Variants in DTNB observed in about 807,000 individuals in gnomAD.
DTNB encodes DTN-B.
A neutral mutation model predicts 90.7 loss-of-function variants in DTNB; 63 were observed. The observed-to-expected ratio is 0.69, with a 90% CI of 0.57 to 0.86. The LOEUF is 0.86. DTNB is among the 40% of genes least tolerant of loss of function. DTNB has a pLI of 0.00. For missense variants in DTNB, 744 were observed against 807.1 expected (o/e 0.92, Z 0.95); for synonymous variants, 277 against 286.7 (o/e 0.97, Z 0.34).
At chr2:25,646,848 GTCAC>G (rs2079574359) in intron 2 of DTNB, among the ~76,000 whole-genome samples, 1 of 152,094 alleles carries the variant, frequency 6.6e-6, no homozygotes, top group African/African-American at 2.4e-5. Context: ...ACGGGCCATG[GTCAC>G]TCATATTTAG....
At chr2:25,381,517 C>A (rs552870349) in intron 19 of DTNB, among the ~76,000 whole-genome samples, 9 of 152,294 alleles carry the variant, frequency 5.9e-5, no homozygotes, top group Admixed American at 4.6e-4. Context: ...GCAGCTGGGA[C>A]TACAGGTGTG....
intron 6 of DTNB, among the ~76,000 whole-genome samples, chr2:25,591,831 C>A (rs1255769814): frequency 1.3e-5 from 2 of 152,020 alleles, no homozygotes; most frequent in African/African-American, 4.8e-5. Context: ...GTGGCTGAGG[C>A]AGGAGGATCA....
At chr2:25,622,017 A>G (rs1337551839) in intron 4 of DTNB, among the ~76,000 whole-genome samples, 1 of 151,938 alleles carries the variant, frequency 6.6e-6, no homozygotes, top group East Asian at 1.9e-4. Flanking sequence ...AACTAGTTTC[A>G]TTAGATACAT....
At chr2:25,495,795 G>A (rs1179689788) in intron 9 of DTNB, among the ~76,000 whole-genome samples, 2 of 152,302 alleles carry the variant, frequency 1.3e-5, no homozygotes, top group South Asian at 2.1e-4. Flanking sequence ...GGTACTGTAA[G>A]TGTAGCATAA....
chr2:25,570,404 CTCAAAA>C (rs1475397570), intron 8 of DTNB, among the ~76,000 whole-genome samples: 1 of 54,748 alleles, frequency 1.8e-5, no homozygotes, highest in Non-Finnish European at 2.9e-5. Context: ...GGTTTCCTGT[CTCAAAA>C]AAAAAAAAAA....
At chr2:25,467,215 T>C (rs1303260865) in intron 10 of DTNB, among the ~76,000 whole-genome samples, 2 of 152,216 alleles carry the variant, frequency 1.3e-5, no homozygotes, top group Non-Finnish European at 2.9e-5. Context: ...CCAACATTTG[T>C]ACCTTTGACT....
chr2:25,429,280 G>T (rs909513769), intron 14 of DTNB, among the ~76,000 whole-genome samples: 6 of 152,062 alleles, frequency 3.9e-5, no homozygotes, highest in Non-Finnish European at 7.4e-5. Context: ...TTACTTTTTG[G>T]TTTTTCAATG....
At chr2:25,473,051 G>T (rs2063106529) in intron 10 of DTNB, among the ~76,000 whole-genome samples, 1 of 152,198 alleles carries the variant, frequency 6.6e-6, no homozygotes, top group South Asian at 2.1e-4. Flanking sequence ...TCAATCGGAA[G>T]AATAACATAA....
At chr2:25,533,353 G>A (rs2078648631) in intron 8 of DTNB, among the ~76,000 whole-genome samples, 1 of 152,054 alleles carries the variant, frequency 6.6e-6, no homozygotes, top group Non-Finnish European at 1.5e-5. Flanking sequence ...AAACATTCTG[G>A]GAAAAGTCTA....
chr2:25,485,187 A>G (rs964715529), intron 9 of DTNB, among the ~76,000 whole-genome samples: 10 of 152,170 alleles, frequency 6.6e-5, no homozygotes, highest in Admixed American at 6.5e-4. Context: ...TTTTTAATAA[A>G]TAATAGAGAC....
chr2:25,632,346 A>C (rs1383506798), intron 3 of DTNB, among the ~76,000 whole-genome samples: 1 of 152,166 alleles, frequency 6.6e-6, no homozygotes, highest in South Asian at 2.1e-4. Context: ...TTTAAAGGAA[A>C]CCTTATTTTT....
chr2:25,665,751 C>T (rs752744435), intron 1 of DTNB, among the ~76,000 whole-genome samples: 9 of 148,650 alleles, frequency 6.1e-5, no homozygotes, highest in Non-Finnish European at 1.2e-4. Flanking sequence ...TCCTTTAATA[C>T]TTCTTTTCTC....
chr2:25,522,496 A>C (rs1161512351), intron 9 of DTNB, among the ~76,000 whole-genome samples: 1 of 152,112 alleles, frequency 6.6e-6, no homozygotes, highest in African/African-American at 2.4e-5. Context: ...AGGTAATAGG[A>C]ATTCGGCGGA....
At chr2:25,386,554 T>C (rs2039525592) in intron 18 of DTNB, among the ~76,000 whole-genome samples, 1 of 152,190 alleles carries the variant, frequency 6.6e-6, no homozygotes, top group African/African-American at 2.4e-5. Flanking sequence ...CGTTAGTGAC[T>C]CTCTGGCCCC....
At chr2:25,414,301 G>A (rs1246757510) in intron 16 of DTNB, among the ~76,000 whole-genome samples, 1 of 152,192 alleles carries the variant, frequency 6.6e-6, no homozygotes, top group African/African-American at 2.4e-5. Flanking sequence ...GTCGGCTGAA[G>A]TGCGGAGTGC....
rs865985562 is a variant in DTNB, at chr2:25,589,382, T to C, written c.603+6704A>G. On this transcript the variant is annotated intron_variant, in intron 6 of 20. Transcript: ENST00000406818. ...TTTTTCTTTTCTTTTTTTTTTTTTT[T>C]TTTTTTTTTTTTTTTTGAGATGGAG... Among the ~76,000 whole-genome samples the C allele has an allele frequency of 4.5e-3, 532 of 118,418 alleles. 2 individuals are homozygous for C. The highest frequency in any genetic ancestry group is 0.017 in the African/African-American group (507 of 29,846). The allele number at this position is 118,418 out of a possible 152,430, so 77.7% of individuals were successfully genotyped here.
At chr2:25,525,691 A>G (rs1337546303) in intron 9 of DTNB, among the ~76,000 whole-genome samples, 17 of 152,196 alleles carry the variant, frequency 1.1e-4, no homozygotes. Context: ...ATAAGAATTA[A>G]TAAGGAAAAA....
chr2:25,662,681 AACACACAC>A (rs35136841), intron 1 of DTNB, among the ~76,000 whole-genome samples: 4 of 104,462 alleles, frequency 3.8e-5, no homozygotes. Context: ...CACACACACA[AACACACAC>A]ACACACACAC....
At chr2:25,447,507 T>TC (rs1314576306) in intron 12 of DTNB, among the ~76,000 whole-genome samples, 1 of 148,574 alleles carries the variant, frequency 6.7e-6, no homozygotes, top group Non-Finnish European at 1.5e-5. Flanking sequence ...ATCTTTTTTT[T>TC]TTTTTTTTTT....
Sources: allele counts gnomAD v4.1 joint callset (sites outside exome capture counted in the v4.1 genomes callset), GRCh38; gene constraint gnomAD v4.1.1; transcripts MANE v1.5; gene names NCBI Gene and HGNC (gene_info 2026-07-23, HGNC 2026-07-21).